FOXN3: variants seen among roughly 807,000 people sequenced by gnomAD.
FOXN3 encodes the protein forkhead box N3.
FOXN3 carries 7 observed loss-of-function variants against 38.4 expected under a neutral mutation model. The observed-to-expected ratio is 0.18, with a 90% confidence interval of 0.10 to 0.34. The LOEUF (loss-of-function observed/expected upper bound fraction) is 0.34. Ranked by LOEUF, FOXN3 falls within the 10% of genes least tolerant of loss-of-function variation. The probability of loss-of-function intolerance (pLI) is 1.00; values close to 1 mark genes in which losing one functional copy is unlikely to be tolerated. For synonymous variants in FOXN3, 230 were observed against 242.2 expected (o/e 0.95, Z 0.47); for missense variants, 456 against 613.4 (o/e 0.74, Z 2.71).
At chr14:89,290,354 T>C in intron 3 of FOXN3, 1 of 379,296 alleles carries the variant, frequency 2.6e-6, no homozygotes, top group East Asian at 7.1e-5. Flanking sequence ...GAGTTAGGTA[T>C]GTGTGGCAAC....
At chr14:89,372,676 G>C (rs535910557) in intron 2 of FOXN3, among the ~76,000 whole-genome samples, 1 of 150,970 alleles carries the variant, frequency 6.6e-6, no homozygotes, top group African/African-American at 2.4e-5. Flanking sequence ...ATTAAAACAG[G>C]AACCAAAGTT....
At chr14:89,266,244 G>T (rs1377493251) in intron 4 of FOXN3, among the ~76,000 whole-genome samples, 2 of 152,180 alleles carry the variant, frequency 1.3e-5, no homozygotes, top group African/African-American at 2.4e-5. Context: ...GCACGTTTGG[G>T]TTCTCCTGAG....
chr14:89,370,965 C>T (rs890756171), intron 2 of FOXN3, among the ~76,000 whole-genome samples: 5 of 150,406 alleles, frequency 3.3e-5, no homozygotes, highest in African/African-American at 1.2e-4. Context: ...GGTTCCCCAA[C>T]ACAACAACAA....
chr14:89,466,611 C>T (rs553380371), intron 1 of FOXN3, among the ~76,000 whole-genome samples: 1 of 152,264 alleles, frequency 6.6e-6, no homozygotes, highest in East Asian at 1.9e-4. Context: ...ACACCACCCG[C>T]AGCAGCAGTT....
intron 4 of FOXN3, among the ~76,000 whole-genome samples, chr14:89,245,845 A>C (rs1250122119): frequency 1.3e-5 from 2 of 152,124 alleles, no homozygotes; most frequent in Non-Finnish European, 2.9e-5. Context: ...CCAAGTAGTG[A>C]GATCAGCCCC....
intron 3 of FOXN3, among the ~76,000 whole-genome samples, chr14:89,326,405 T>C (rs1461503840): frequency 6.6e-6 from 1 of 152,214 alleles, no homozygotes; most frequent in Non-Finnish European, 1.5e-5. Flanking sequence ...AATGATCAAA[T>C]CAAACTCTTC....
chr14:89,231,674 G>A (rs558930678), intron 4 of FOXN3, among the ~76,000 whole-genome samples: 2 of 152,200 alleles, frequency 1.3e-5, no homozygotes, highest in East Asian at 1.9e-4. Context: ...CAGAACCTTC[G>A]CATCTGGAGA....
chr14:89,240,012 T>C (rs1256573826), intron 4 of FOXN3, among the ~76,000 whole-genome samples: 1 of 152,224 alleles, frequency 6.6e-6, no homozygotes, highest in Non-Finnish European at 1.5e-5. Context: ...CAGCAGTGAC[T>C]GGTCAAAGCT....
intron 3 of FOXN3, among the ~76,000 whole-genome samples, chr14:89,349,067 T>C (rs1888867131): frequency 6.6e-6 from 1 of 151,988 alleles, no homozygotes; most frequent in African/African-American, 2.4e-5. Context: ...CCATGCAGCT[T>C]GGAGAGTCGG....
intron 1 of FOXN3, among the ~76,000 whole-genome samples, chr14:89,545,193 G>A (rs1475013553): frequency 6.6e-6 from 1 of 152,208 alleles, no homozygotes; most frequent in East Asian, 1.9e-4. Context: ...AGAAACACAT[G>A]CTTGATAGCA....
intron 4 of FOXN3, among the ~76,000 whole-genome samples, chr14:89,256,570 G>A (rs1207519018): frequency 6.6e-6 from 1 of 152,210 alleles, no homozygotes. Flanking sequence ...GTAAGAAGCT[G>A]AGCCTCTGAT....
At chr14:89,442,763 G>C (rs117715876) in intron 1 of FOXN3, among the ~76,000 whole-genome samples, 2,967 of 150,016 alleles carry the variant, frequency 0.02, 25 homozygotes, top group Middle Eastern at 0.037. Flanking sequence ...CAACCAGCCA[G>C]TATTTACTCC....
intron 4 of FOXN3, among the ~76,000 whole-genome samples, chr14:89,268,103 C>A (rs539521084): frequency 2.6e-5 from 4 of 152,152 alleles, no homozygotes. Context: ...TTAATTTACA[C>A]ATATACATAT....
chr14:89,528,793 T>G (rs1169513005), intron 1 of FOXN3, among the ~76,000 whole-genome samples: 1 of 152,048 alleles, frequency 6.6e-6, no homozygotes, highest in Non-Finnish European at 1.5e-5. Context: ...TATATAAAAT[T>G]CTAGACAGTG....
intron 4 of FOXN3, among the ~76,000 whole-genome samples, chr14:89,272,519 T>C (rs1418539197): frequency 6.6e-6 from 1 of 152,070 alleles, no homozygotes; most frequent in Non-Finnish European, 1.5e-5. Context: ...ACAAAAGCAA[T>C]AGATGTTATT....
chr14:89,206,333 T>G (rs1256128504), intron 4 of FOXN3, among the ~76,000 whole-genome samples: 1 of 152,208 alleles, frequency 6.6e-6, no homozygotes. Flanking sequence ...TGGTCTCCTC[T>G]TGTGGATGCT....
chr14:89,442,094 T>C (rs929183869), intron 1 of FOXN3, among the ~76,000 whole-genome samples: 1 of 151,934 alleles, frequency 6.6e-6, no homozygotes, highest in Admixed American at 6.6e-5. Context: ...GCTTGGCTAA[T>C]TTTGTATTTT....
intron 1 of FOXN3, among the ~76,000 whole-genome samples, chr14:89,498,958 G>A (rs1286469742): frequency 1.3e-5 from 2 of 152,158 alleles, no homozygotes; most frequent in Non-Finnish European, 2.9e-5. Context: ...TGTGGCTCAC[G>A]ATTTAGCCTG....
chr14:89,298,290 C>G (rs1158273792), intron 3 of FOXN3, among the ~76,000 whole-genome samples: 1 of 151,724 alleles, frequency 6.6e-6, no homozygotes, highest in Non-Finnish European at 1.5e-5. Context: ...TGGAGGGGAA[C>G]GGGGGGAGTG....
Sources: gnomAD v4.1 joint callset for allele counts (sites outside exome capture counted in the v4.1 genomes callset) on GRCh38, gnomAD v4.1.1 for gene constraint, MANE v1.5 for transcripts, NCBI Gene and HGNC (gene_info 2026-07-23, HGNC 2026-07-21) for gene names.